CPE: variants seen among roughly 807,000 people sequenced by gnomAD.
CPE encodes carbocypeptidase E.
Under a neutral mutation model 53.5 loss-of-function variants are expected in CPE, and 17 were observed. That is an observed-to-expected ratio of 0.32 (90% CI 0.22 to 0.48). CPE has a LOEUF of 0.48. Ranked by LOEUF, CPE falls within the 20% of genes least tolerant of loss-of-function variation. CPE has a pLI of 0.99. For missense variants in CPE, 524 were observed against 614.7 expected, an observed-to-expected ratio of 0.85 and a Z score of 1.56; for synonymous variants, 226 against 228.8, an observed-to-expected ratio of 0.99 and a Z score of 0.11.
At chr4:165,392,052 CAT>C (rs1365444939) in intron 1 of CPE, among the ~76,000 whole-genome samples, 1 of 151,662 alleles carries the variant, frequency 6.6e-6, no homozygotes, top group South Asian at 2.1e-4. Flanking sequence ...GTTCCATTAA[CAT>C]GTGAAATTTT....
At chr4:165,435,215 G>A (rs1296939202) in intron 1 of CPE, among the ~76,000 whole-genome samples, 1 of 152,106 alleles carries the variant, frequency 6.6e-6, no homozygotes, top group Non-Finnish European at 1.5e-5. Context: ...GTTTGCCAAA[G>A]TTATAGGAAA....
At chr4:165,439,310 G>C (rs747676930) in intron 1 of CPE, among the ~76,000 whole-genome samples, 1 of 152,098 alleles carries the variant, frequency 6.6e-6, no homozygotes, top group Non-Finnish European at 1.5e-5. Flanking sequence ...TAGTAAGGCA[G>C]CAAAAAGATC....
chr4:165,487,185 G>A (rs1560896714), intron 5 of CPE, among the ~76,000 whole-genome samples: 1 of 152,212 alleles, frequency 6.6e-6, no homozygotes, highest in African/African-American at 2.4e-5. Context: ...GGTGGGTAAT[G>A]TCTGCATTAG....
At chr4:165,466,938 C>G (rs963337688) in intron 2 of CPE, among the ~76,000 whole-genome samples, 3 of 152,138 alleles carry the variant, frequency 2.0e-5, no homozygotes, top group Non-Finnish European at 2.9e-5. Flanking sequence ...TCTTTTCTGT[C>G]TTTATATCTT....
intron 8 of CPE, 42 bp downstream of exon 8, chr4:165,495,719 A>T: frequency 7.3e-7 from 1 of 1,369,666 alleles, no homozygotes; most frequent in Non-Finnish European, 1.0e-6. Flanking sequence ...AATAATAATT[A>T]AGCATTTATC....
At chr4:165,425,700 A>G (rs1308640464) in intron 1 of CPE, among the ~76,000 whole-genome samples, 1 of 152,016 alleles carries the variant, frequency 6.6e-6, no homozygotes, top group East Asian at 1.9e-4. Context: ...GTCCTAGAAG[A>G]AGTTTTAGAA....
chr4:165,421,321 C>T (rs533813262), intron 1 of CPE, among the ~76,000 whole-genome samples: 1 of 152,332 alleles, frequency 6.6e-6, no homozygotes, highest in East Asian at 1.9e-4. Flanking sequence ...TGGCCATAGC[C>T]TGGCCATAGC....
intron 1 of CPE, among the ~76,000 whole-genome samples, chr4:165,439,335 T>G (rs1731568900): frequency 6.6e-6 from 1 of 151,984 alleles, no homozygotes; most frequent in Admixed American, 6.6e-5. Context: ...GAAAGAGAAA[T>G]GGATAAGGTA....
Position 165,487,437 on chromosome 4 carries a change from G to C in CPE, c.974-1G>C. ...TGACTTTCCATTTGGTGTTTTGGCA[G>C]GGATGCAAGACTTCAATTACCTTAG... On this transcript the variant is annotated splice_acceptor_variant, in intron 5 of 8. Transcript: ENST00000402744. LOFTEE classifies it high-confidence loss of function. 6.2e-7 allele frequency: 1 copy of C among 1,613,728 alleles called. No homozygotes were observed. Among genetic ancestry groups the C allele is most frequent in the Non-Finnish European group, 8.5e-7 (1 of 1,179,932 alleles).
At chr4:165,488,849 TA>T (rs34280127) in intron 6 of CPE, among the ~76,000 whole-genome samples, 28,185 of 146,524 alleles carry the variant, frequency 0.19, 2,957 homozygotes, top group Non-Finnish European at 0.24. Context: ...AAGGCTGCTC[TA>T]AAAAAAAAAA....
At chr4:165,401,810 G>A (rs1048404701) in intron 1 of CPE, among the ~76,000 whole-genome samples, 1 of 152,176 alleles carries the variant, frequency 6.6e-6, no homozygotes, top group Non-Finnish European at 1.5e-5. Context: ...GGTTACAGGG[G>A]CTTCTGCAGT....
chr4:165,422,976 C>CCA (rs748251619), intron 1 of CPE, among the ~76,000 whole-genome samples: 4 of 77,032 alleles, frequency 5.2e-5, no homozygotes, highest in Non-Finnish European at 7.5e-5. Flanking sequence ...AACTCTGTCT[C>CCA]AAAAAAAAAA....
chr4:165,379,161 C>A lies in CPE; in HGVS notation c.-61C>A. 8.3e-7 allele frequency: 1 copy of A among 1,203,440 alleles called. No individual in the cohort carries two copies. Among genetic ancestry groups the A allele is most frequent in the Non-Finnish European group, 1.0e-6 (1 of 967,966 alleles). The allele number at this position is 1,203,440 out of a possible 1,614,324, so 74.5% of individuals were successfully genotyped here. On this transcript the variant is annotated 5_prime_UTR_variant, in exon 1 of 9. Coordinates refer to ENST00000402744, the MANE Select transcript of CPE (RefSeq NM_001873.4). This position sits in a 1 kb window ranked among gnomAD's most constrained non-coding sequence, Gnocchi z 6.0. ...AGCGCCGGCGGGCTAAGCCCAGGGCCGGGCAGACAAAAGAGGCCGCCCGCG... is the reference window on the plus strand; with the variant it reads ...AGCGCCGGCGGGCTAAGCCCAGGGCAGGGCAGACAAAAGAGGCCGCCCGCG...
intron 1 of CPE, among the ~76,000 whole-genome samples, chr4:165,394,239 C>G (rs1287739986): frequency 6.6e-6 from 1 of 152,134 alleles, no homozygotes; most frequent in Non-Finnish European, 1.5e-5. Flanking sequence ...GAGTTAGGGA[C>G]TGGTAAAATC....
chr4:165,495,393 C>G (rs1307893595), intron 7 of CPE, among the ~76,000 whole-genome samples, 166 bp from the exon 8 acceptor site: 1 of 152,140 alleles, frequency 6.6e-6, no homozygotes, highest in Non-Finnish European at 1.5e-5. Flanking sequence ...GTTTCACACC[C>G]TATTCAATAA....
intron 1 of CPE, among the ~76,000 whole-genome samples, chr4:165,438,321 G>A (rs1274267357): frequency 6.6e-6 from 1 of 152,202 alleles, no homozygotes; most frequent in Admixed American, 6.5e-5. Context: ...TGCAGCACGG[G>A]GCTTTCCTGG....
intron 5 of CPE, among the ~76,000 whole-genome samples, chr4:165,487,060 G>A (rs1018511084): frequency 4.6e-5 from 7 of 152,162 alleles, no homozygotes; most frequent in Admixed American, 6.5e-5. Flanking sequence ...GAAGCTCCAA[G>A]TTCTTCTCCA....
rs1730475604 is a variant in CPE, at chr4:165,379,876, C to G, written c.307+348C>G. 6.6e-6 allele frequency among the ~76,000 whole-genome samples: 1 copy of G among 152,170 alleles called. No homozygotes were observed. The highest frequency in any genetic ancestry group is 1.5e-5 in the Non-Finnish European group (1 of 68,026). ...AAACAAATCCTGACGCACGCAACCC[C>G]AGCGGTCGCTCTCACTTTGCTGTGT... On this transcript the variant is annotated intron_variant, in intron 1 of 8. Transcript: ENST00000402744. The surrounding 1 kb of genome is among the most constrained non-coding windows in gnomAD (Gnocchi z 6.0).
At chr4:165,465,409 G>A (rs1732079664) in intron 2 of CPE, among the ~76,000 whole-genome samples, 1 of 151,814 alleles carries the variant, frequency 6.6e-6, no homozygotes, top group African/African-American at 2.4e-5. Flanking sequence ...AAAAATTCTA[G>A]TAATATATAA....
Sources: gnomAD v4.1 joint callset for allele counts (sites outside exome capture counted in the v4.1 genomes callset) on GRCh38, gnomAD v4.1.1 for gene constraint, Gnocchi (gnomAD v3.1) non-coding constraint, MANE v1.5 for transcripts, NCBI Gene and HGNC (gene_info 2026-07-23, HGNC 2026-07-21) for gene names.